Variants in EFHD1 observed in about 807,000 individuals in gnomAD.
EFHD1 encodes the protein EF-hand domain family member D1, also known as EF-hand domain-containing protein D1.
Under a neutral mutation model 17.2 loss-of-function variants are expected in EFHD1, and 10 were observed. The observed-to-expected ratio is 0.58, with a 90% CI of 0.36 to 0.99. EFHD1 has a LOEUF of 0.99. Ranked by LOEUF, EFHD1 falls within the 50% of genes least tolerant of loss-of-function variation. The probability of loss-of-function intolerance (pLI) is 0.01; values close to 1 mark genes in which losing one functional copy is unlikely to be tolerated. For missense variants in EFHD1, 310 were observed against 327.5 expected (o/e 0.95, Z 0.41); for synonymous variants, 153 against 142.0 (o/e 1.08, Z -0.55).
chr2:232,680,335 C>A (rs1276902509), intron 3 of EFHD1, among the ~76,000 whole-genome samples: 5 of 150,720 alleles, frequency 3.3e-5, no homozygotes, highest in Non-Finnish European at 7.4e-5. Context: ...CACACACTCA[C>A]AGAATCAGTT....
Position 232,681,805 on chromosome 2 carries a change from G to T in EFHD1, c.*86G>T. On this transcript the variant is annotated 3_prime_UTR_variant, in exon 4 of 4. Transcript: ENST00000264059. ...CTAGGCATCTTCATCACTGCTGTCGGTCCCCTCCCTGAGCCAGCATCTCCA... is the reference window on the plus strand; with the variant it reads ...CTAGGCATCTTCATCACTGCTGTCGTTCCCCTCCCTGAGCCAGCATCTCCA... 1.3e-6 allele frequency: 2 copies of T among 1,510,092 alleles called. No homozygotes were observed. Among genetic ancestry groups the T allele is most frequent in the Non-Finnish European group, 1.8e-6 (2 of 1,127,142 alleles). 93.5% of individuals were successfully genotyped at this position (1,510,092 alleles called of 1,614,324 possible). A position where few individuals can be genotyped will look rare whatever the true frequency, so the allele number is the denominator to read the frequency against.
Position 232,633,785 on chromosome 2 carries a change from TC to T in EFHD1, c.85del (p.Leu29SerfsTer27). ...EAEESGPQLAPLGAPAPEPKP... is the reference protein window; with the variant it reads ...EAEESGPQLAXLGAPAPEPKP... ...CCGAGGAGAGTGGCCCCCAGCTGGC[TC>T]CCCTCGGCGCCCCAGCCCCGGAGCC... On this transcript the variant is annotated frameshift_variant, in exon 1 of 4. Coordinates refer to ENST00000264059, the MANE Select transcript of EFHD1 (RefSeq NM_025202.4). LOFTEE classifies it high-confidence loss of function. The T allele has an allele frequency of 6.9e-7, 1 of 1,456,876 alleles. No homozygotes were observed. Among genetic ancestry groups the T allele is most frequent in the African/African-American group, 1.5e-5 (1 of 67,550 alleles). 90.2% of individuals were successfully genotyped at this position (1,456,876 alleles called of 1,614,324 possible). A position where few individuals can be genotyped will look rare whatever the true frequency, so the allele number is the denominator to read the frequency against.
intron 1 of EFHD1, among the ~76,000 whole-genome samples, chr2:232,648,067 C>G (rs1339069966): frequency 6.6e-6 from 1 of 152,084 alleles, no homozygotes; most frequent in East Asian, 1.9e-4. Context: ...TGGCGAAACT[C>G]TGTCTTTACA....
At chr2:232,617,455 C>T (rs1693947295) in intron 1 of EFHD1, among the ~76,000 whole-genome samples, 1 of 150,640 alleles carries the variant, frequency 6.6e-6, no homozygotes, top group South Asian at 2.1e-4. Flanking sequence ...CGAGACTATC[C>T]TGGCTGACAC....
intron 1 of EFHD1, among the ~76,000 whole-genome samples, chr2:232,619,637 G>A (rs1414845562): frequency 6.6e-6 from 1 of 152,066 alleles, no homozygotes; most frequent in Non-Finnish European, 1.5e-5. Context: ...GAAGTACTTG[G>A]TATTTTTCTG....
chr2:232,625,295 A>G (rs1192209990), intron 1 of EFHD1, among the ~76,000 whole-genome samples: 1 of 145,494 alleles, frequency 6.9e-6, no homozygotes, highest in Non-Finnish European at 1.5e-5. Context: ...TGCCTGGCTA[A>G]TTTAAACATT....
At chr2:232,659,855 A>G (rs1318671920) in intron 1 of EFHD1, among the ~76,000 whole-genome samples, 6 of 152,222 alleles carry the variant, frequency 3.9e-5, no homozygotes, top group East Asian at 3.9e-4. Context: ...ACTTACAACC[A>G]TGGCAGAAGG....
chr2:232,636,267 T>C (rs552379348), intron 1 of EFHD1, among the ~76,000 whole-genome samples: 8 of 152,336 alleles, frequency 5.3e-5, no homozygotes, highest in African/African-American at 1.9e-4. Context: ...GAGTGAGCAC[T>C]TGGAGGCAGG....
chr2:232,656,865 A>C (rs1462181917), intron 1 of EFHD1, among the ~76,000 whole-genome samples: 2 of 152,112 alleles, frequency 1.3e-5, no homozygotes, highest in Non-Finnish European at 2.9e-5. Context: ...TGTAGCCTCA[A>C]ACTCTTGTGC....
intron 3 of EFHD1, among the ~76,000 whole-genome samples, chr2:232,675,430 T>C (rs1283435107): frequency 4.6e-5 from 7 of 152,044 alleles, no homozygotes; most frequent in Non-Finnish European, 1.0e-4. Flanking sequence ...GAGGAGTTCC[T>C]CTCTGGGCAC....
intron 1 of EFHD1, among the ~76,000 whole-genome samples, chr2:232,637,947 C>A (rs1694348179): frequency 6.6e-6 from 1 of 152,104 alleles, no homozygotes; most frequent in Non-Finnish European, 1.5e-5. Context: ...TCCTTAGGAC[C>A]TAACAAATGA....
At chr2:232,657,201 GTCCCCATTCAACACTAAC>G (rs1694778918) in intron 1 of EFHD1, among the ~76,000 whole-genome samples, 1 of 152,098 alleles carries the variant, frequency 6.6e-6, no homozygotes, top group Non-Finnish European at 1.5e-5. Flanking sequence ...CTGAAACTCT[GTCCCCATTCAACACTAAC>G]TCCCCATTCA....
At chr2:232,623,673 C>CAAAAAA (rs756932393) in intron 1 of EFHD1, among the ~76,000 whole-genome samples, 7 of 86,638 alleles carry the variant, frequency 8.1e-5, no homozygotes, top group Non-Finnish European at 1.4e-4. Flanking sequence ...AGTCTCTGTC[C>CAAAAAA]AAAAAAAAAA....
intron 1 of EFHD1, among the ~76,000 whole-genome samples, chr2:232,636,788 A>G (rs905597895): frequency 2.6e-5 from 4 of 152,160 alleles, no homozygotes; most frequent in Admixed American, 1.3e-4. Context: ...ACGCCATTGC[A>G]CTCTAGCCTG....
chr2:232,630,791 A>C (rs1559341310), upstream of EFHD1, among the ~76,000 whole-genome samples: 1 of 131,428 alleles, frequency 7.6e-6, no homozygotes, highest in Non-Finnish European at 1.7e-5. Flanking sequence ...TATTAAAAAA[A>C]AAAAAAAAAG....
chr2:232,679,490 G>T (rs1695235816), intron 3 of EFHD1, among the ~76,000 whole-genome samples: 1 of 151,786 alleles, frequency 6.6e-6, no homozygotes. Context: ...TGAGGTGGGA[G>T]AATTGCTTGA....
intron 2 of EFHD1, 116 bp from the exon 3 acceptor site, chr2:232,672,193 C>G: frequency 7.2e-7 from 1 of 1,380,472 alleles, no homozygotes; most frequent in South Asian, 1.2e-5. Flanking sequence ...TTGCCACATG[C>G]ATACATAAAC....
At chr2:232,618,216 CA>C (rs1693961221) in intron 1 of EFHD1, among the ~76,000 whole-genome samples, 1 of 151,616 alleles carries the variant, frequency 6.6e-6, no homozygotes, top group African/African-American at 2.4e-5. Context: ...GATGGGCTTT[CA>C]CCATTTTGGC....
chr2:232,650,227 C>CT (rs1399974671), intron 1 of EFHD1: 1 of 150,538 alleles, frequency 6.6e-6, no homozygotes, highest in Non-Finnish European at 1.5e-5. Flanking sequence ...CAAGGAAGCT[C>CT]TAGGATGCAA....
Sources: allele counts gnomAD v4.1 joint callset (sites outside exome capture counted in the v4.1 genomes callset), GRCh38; gene constraint gnomAD v4.1.1; transcripts MANE v1.5; gene names NCBI Gene and HGNC (gene_info 2026-07-23, HGNC 2026-07-21).